Variants in KDM4C observed in about 807,000 individuals in gnomAD.
The protein encoded by KDM4C is lysine demethylase 4C, also known as lysine-specific demethylase 4C.
Under a neutral mutation model 129.3 loss-of-function variants are expected in KDM4C, and 81 were observed. That is an observed-to-expected ratio of 0.63 (90% confidence interval 0.52 to 0.75). The LOEUF is 0.75. Ranked by LOEUF, KDM4C falls within the 30% of genes least tolerant of loss-of-function variation. KDM4C has a pLI of 0.00. For synonymous variants in KDM4C, 573 were observed against 456.1 expected (o/e 1.26, Z -3.26); for missense variants, 1,457 against 1,304.0 (o/e 1.12, Z -1.81).
At chr9:6,891,723 T>C (rs1846141849) in intron 7 of KDM4C, among the ~76,000 whole-genome samples, 1 of 152,158 alleles carries the variant, frequency 6.6e-6, no homozygotes, top group Admixed American at 6.5e-5. Flanking sequence ...TATATGTATA[T>C]ACAGATATTT....
intron 1 of KDM4C, among the ~76,000 whole-genome samples, chr9:6,751,026 CTTACATG>C (rs1818047893): frequency 6.6e-6 from 1 of 152,120 alleles, no homozygotes; most frequent in African/African-American, 2.4e-5. Context: ...GAAGAACTTC[CTTACATG>C]ACAGTCTCAG....
At chr9:6,958,924 A>C (rs1209538052) in intron 8 of KDM4C, among the ~76,000 whole-genome samples, 2 of 152,184 alleles carry the variant, frequency 1.3e-5, no homozygotes, top group Non-Finnish European at 2.9e-5. Flanking sequence ...TTGGGATTAC[A>C]GGCGTGAGCC....
chr9:6,870,261 A>G (rs1444435221), intron 5 of KDM4C, among the ~76,000 whole-genome samples: 1 of 151,902 alleles, frequency 6.6e-6, no homozygotes, highest in Non-Finnish European at 1.5e-5. Context: ...TTGCTTGTTC[A>G]TTGTAAGGGG....
At chr9:7,102,436 T>G (rs142101770) in intron 17 of KDM4C, among the ~76,000 whole-genome samples, 23 of 151,158 alleles carry the variant, frequency 1.5e-4, no homozygotes, top group African/African-American at 5.1e-4. Flanking sequence ...TCGGGCAGCT[T>G]TGGGGAAGAC....
At chr9:6,867,411 G>A (rs1842209426) in intron 5 of KDM4C, among the ~76,000 whole-genome samples, 1 of 152,188 alleles carries the variant, frequency 6.6e-6, no homozygotes, top group South Asian at 2.1e-4. Flanking sequence ...AACCACAATT[G>A]ATATTTGAAT....
At chr9:7,091,765 C>T (rs768342509) in intron 17 of KDM4C, among the ~76,000 whole-genome samples, 7 of 152,104 alleles carry the variant, frequency 4.6e-5, no homozygotes, top group South Asian at 4.1e-4. Flanking sequence ...GGTTGAAGAA[C>T]GAGCACATCA....
At chr9:6,878,949 C>T (rs976008627) in intron 5 of KDM4C, among the ~76,000 whole-genome samples, 6 of 152,154 alleles carry the variant, frequency 3.9e-5, no homozygotes, top group South Asian at 2.1e-4. Flanking sequence ...CTTCCCATTT[C>T]GGTTGGAACA....
intron 15 of KDM4C, among the ~76,000 whole-genome samples, chr9:7,022,236 C>G (rs981072832): frequency 3.3e-5 from 5 of 152,034 alleles, no homozygotes; most frequent in Admixed American, 1.3e-4. Context: ...CTTTAGATAG[C>G]TTTGGATAGT....
At chr9:7,013,552 C>G (rs374594018) in intron 13 of KDM4C, among the ~76,000 whole-genome samples, 11 of 152,178 alleles carry the variant, frequency 7.2e-5, no homozygotes, top group African/African-American at 2.7e-4. Context: ...TAGCCAGTTG[C>G]TTTCTTATAT....
chr9:6,836,694 C>G (rs2129663723), intron 4 of KDM4C, among the ~76,000 whole-genome samples: 1 of 152,258 alleles, frequency 6.6e-6, no homozygotes, highest in Admixed American at 6.5e-5. Context: ...AATAGTATCA[C>G]TTTGTGTAGT....
chr9:6,872,346 T>G (rs942564999), intron 5 of KDM4C, among the ~76,000 whole-genome samples: 1 of 152,112 alleles, frequency 6.6e-6, no homozygotes, highest in Non-Finnish European at 1.5e-5. Flanking sequence ...TAAAGAGGTA[T>G]TGATTTGGGG....
intron 1 of KDM4C, among the ~76,000 whole-genome samples, chr9:6,759,940 C>CAAA (rs1178745095): frequency 1.3e-5 from 1 of 78,798 alleles, no homozygotes; most frequent in African/African-American, 4.9e-5. Context: ...GACTCCATCT[C>CAAA]AAAAAAAAAA....
chr9:6,924,684 G>C (rs375031205), intron 8 of KDM4C: 1 of 753,102 alleles, frequency 1.3e-6, no homozygotes, highest in African/African-American at 1.9e-5. Flanking sequence ...TGTTCTGCTG[G>C]GGTACCGATG....
chr9:6,912,917 G>C (rs1819596923), intron 8 of KDM4C, among the ~76,000 whole-genome samples: 1 of 152,112 alleles, frequency 6.6e-6, no homozygotes, highest in Admixed American at 6.5e-5. Flanking sequence ...TTCAAGAATT[G>C]TGATATTCTT....
At chr9:6,864,294 C>T (rs144296898) in intron 5 of KDM4C, among the ~76,000 whole-genome samples, 1 of 152,076 alleles carries the variant, frequency 6.6e-6, no homozygotes, top group Non-Finnish European at 1.5e-5. Flanking sequence ...GATGACAATC[C>T]CCATTTTTCA....
chr9:6,925,428 C>T, intron 8 of KDM4C: 1 of 949,324 alleles, frequency 1.1e-6, no homozygotes, highest in Non-Finnish European at 1.3e-6. Flanking sequence ...CCCCTTCCTC[C>T]TTTCCCCTTT....
At chr9:6,761,250 C>G (rs191185704) in intron 1 of KDM4C, among the ~76,000 whole-genome samples, 36 of 152,178 alleles carry the variant, frequency 2.4e-4, no homozygotes, top group African/African-American at 7.0e-4. Context: ...CTCAGGTGAT[C>G]CGCCCACCTT....
At chr9:7,094,348 T>C (rs1308822777) in intron 17 of KDM4C, among the ~76,000 whole-genome samples, 1 of 152,158 alleles carries the variant, frequency 6.6e-6, no homozygotes, top group African/African-American at 2.4e-5. Flanking sequence ...TTTTTTATTT[T>C]ATTTTATTAT....
intron 5 of KDM4C, among the ~76,000 whole-genome samples, chr9:6,863,145 C>CA (rs932700092): frequency 3.3e-5 from 5 of 152,028 alleles, no homozygotes; most frequent in Admixed American, 2.0e-4. Flanking sequence ...AAAATAAAAA[C>CA]AAAAAAACCC....
Sources: allele counts gnomAD v4.1 joint callset (sites outside exome capture counted in the v4.1 genomes callset), GRCh38; gene constraint gnomAD v4.1.1; transcripts MANE v1.5; gene names NCBI Gene and HGNC (gene_info 2026-07-23, HGNC 2026-07-21).